CYTH3: variants seen among roughly 807,000 people sequenced by gnomAD.
The protein encoded by CYTH3 is cytohesin-3.
In CYTH3, 23 loss-of-function variants were observed where a neutral mutation model predicts 55.1. That is an observed-to-expected ratio of 0.42 (90% CI 0.30 to 0.59). The LOEUF (loss-of-function observed/expected upper bound fraction) is 0.59, where lower values mean the gene tolerates loss of function less well. CYTH3 is among the 20% of genes least tolerant of loss of function. The pLI, the probability that CYTH3 is intolerant of heterozygous loss-of-function variation, is 0.20. For synonymous variants in CYTH3, 249 were observed against 194.9 expected (o/e 1.28, Z -2.31); for missense variants, 413 against 524.8 (o/e 0.79, Z 2.08).
At chr7:6,220,416 A>G (rs1356796423) in intron 1 of CYTH3, among the ~76,000 whole-genome samples, 1 of 152,142 alleles carries the variant, frequency 6.6e-6, no homozygotes, top group African/African-American at 2.4e-5. Context: ...TTGAGAGCGA[A>G]GGCTTAGTAA....
At chr7:6,258,367 G>A (rs1210742343) in intron 1 of CYTH3, among the ~76,000 whole-genome samples, 1 of 151,804 alleles carries the variant, frequency 6.6e-6, no homozygotes, top group East Asian at 1.9e-4. Flanking sequence ...TATTTGTGAA[G>A]GAAGAAACTT....
chr7:6,199,696 A>G (rs1466860784), intron 1 of CYTH3, among the ~76,000 whole-genome samples: 2 of 152,214 alleles, frequency 1.3e-5, no homozygotes, highest in African/African-American at 2.4e-5. Context: ...TACCGATGCA[A>G]AACAATGAAA....
chr7:6,195,676 A>C (rs1352127321), intron 1 of CYTH3, among the ~76,000 whole-genome samples: 1 of 152,144 alleles, frequency 6.6e-6, no homozygotes, highest in Non-Finnish European at 1.5e-5. Flanking sequence ...CAAGCAATGA[A>C]TGAGGAAGGA....
At chr7:6,264,922 A>G (rs1159417484) in intron 1 of CYTH3, among the ~76,000 whole-genome samples, 1 of 152,214 alleles carries the variant, frequency 6.6e-6, no homozygotes, top group Non-Finnish European at 1.5e-5. Flanking sequence ...AGAAAAATAG[A>G]GCTGACAGTA....
At chr7:6,242,834 C>A (rs1779709700) in intron 1 of CYTH3, among the ~76,000 whole-genome samples, 1 of 152,102 alleles carries the variant, frequency 6.6e-6, no homozygotes, top group Admixed American at 6.5e-5. Flanking sequence ...TCCTCCCAGA[C>A]CCCACTGCCA....
chr7:6,171,192 C>G lies in CYTH3; in HGVS notation c.562+10G>C. 1.2e-6 allele frequency: 2 copies of G among 1,614,048 alleles called. No homozygotes were observed. The highest frequency in any genetic ancestry group is 2.2e-5 in the South Asian group (2 of 91,082). ...CTGGCAAGGGGCCAGGCTGTGGGCT[C>G]TGCACTGACCTGTGGACTGGAAGAC... On this transcript the variant is annotated intron_variant, in intron 7 of 12. Transcript: ENST00000350796. This position sits in a 1 kb window ranked among gnomAD's most constrained non-coding sequence, Gnocchi z 6.7.
chr7:6,254,198 A>G (rs1780045346), intron 1 of CYTH3, among the ~76,000 whole-genome samples: 1 of 152,064 alleles, frequency 6.6e-6, no homozygotes, highest in Non-Finnish European at 1.5e-5. Context: ...ACAAACAAAC[A>G]ACAACAAAAA....
intron 1 of CYTH3, among the ~76,000 whole-genome samples, chr7:6,245,109 G>A (rs1344599504): frequency 1.3e-5 from 2 of 150,548 alleles, no homozygotes; most frequent in African/African-American, 2.4e-5. Flanking sequence ...ATGAGCCACC[G>A]CGCCCGGCCT....
At chr7:6,190,383 T>C in intron 2 of CYTH3, 66 bp downstream of exon 2, 1 of 1,200,616 alleles carries the variant, frequency 8.3e-7, no homozygotes, top group Non-Finnish European at 1.1e-6. Flanking sequence ...AGGCTACTCT[T>C]TTACTATTTT....
chr7:6,165,162 G>C (rs1374998895), intron 12 of CYTH3, 111 bp downstream of exon 12: 2 of 1,553,602 alleles, frequency 1.3e-6, no homozygotes, highest in Non-Finnish European at 1.7e-6. Flanking sequence ...GGGGTTTCTG[G>C]AGACAGAAGG....
At chr7:6,232,822 T>C (rs1025604857) in intron 1 of CYTH3, among the ~76,000 whole-genome samples, 14 of 152,188 alleles carry the variant, frequency 9.2e-5, no homozygotes, top group Admixed American at 6.5e-5. Flanking sequence ...ATGATTTCCT[T>C]ATACACTTAA....
intron 4 of CYTH3, among the ~76,000 whole-genome samples, chr7:6,184,883 A>G (rs1344224997): frequency 6.6e-6 from 1 of 152,152 alleles, no homozygotes; most frequent in Non-Finnish European, 1.5e-5. Flanking sequence ...AGGACTCAGT[A>G]GCATCCCTTT....
chr7:6,188,255 C>T (rs1226120064), intron 2 of CYTH3, among the ~76,000 whole-genome samples: 3 of 151,880 alleles, frequency 2.0e-5, no homozygotes, highest in South Asian at 2.1e-4. Context: ...ACTGCATGAA[C>T]CCACGAGTTT....
chr7:6,176,378 C>G (rs970767449), intron 5 of CYTH3, among the ~76,000 whole-genome samples: 42 of 150,686 alleles, frequency 2.8e-4, no homozygotes, highest in Admixed American at 2.7e-3. Flanking sequence ...TCTCCTGCCT[C>G]AGCCTCTTGC....
intron 2 of CYTH3, among the ~76,000 whole-genome samples, chr7:6,188,051 GAGCAGTGGCTCATGCCTGTAATCCC>G (rs1307637637): frequency 1.6e-4 from 24 of 152,182 alleles, no homozygotes; most frequent in African/African-American, 5.8e-4. Context: ...ACCAAGCCAG[GAGCAGTGGCTCATGCCTGTAATCCC>G]AGCATTTTGG....
chr7:6,218,343 G>A (rs1229057734), intron 1 of CYTH3, among the ~76,000 whole-genome samples: 4 of 152,186 alleles, frequency 2.6e-5, no homozygotes, highest in African/African-American at 9.7e-5. Context: ...GTTTGAAGAT[G>A]GAGAGAGGGG....
Position 6,216,186 on chromosome 7 carries a change from G to A in CYTH3, c.35-25655C>T, listed in dbSNP as rs564896588. 1.6e-4 allele frequency among the ~76,000 whole-genome samples: 25 copies of A among 152,170 alleles called. 1 individual carries two copies. The South Asian group carries it at 5.0e-3, about 30-fold the overall frequency. ...TTGGGTTTTCTCAATCACGTTTCAC[G>A]GTTGAGGCAAAAACTAACACCATCT... On this transcript the variant is annotated intron_variant, in intron 1 of 12. Coordinates refer to ENST00000350796, the MANE Select transcript of CYTH3 (RefSeq NM_004227.4).
At chr7:6,175,206 T>C (rs1419248246) in intron 5 of CYTH3, among the ~76,000 whole-genome samples, 1 of 152,120 alleles carries the variant, frequency 6.6e-6, no homozygotes, top group South Asian at 2.1e-4. Context: ...TCTTTTTACC[T>C]TTTTTTCAGG....
intron 10 of CYTH3, 26 bp from the exon 11 acceptor site, chr7:6,165,642 G>A: frequency 3.1e-6 from 5 of 1,613,152 alleles, no homozygotes; most frequent in South Asian, 2.2e-5. Flanking sequence ...ACACGGCGGG[G>A]CTCACTGTGG....
Sources: gnomAD v4.1 joint callset for allele counts (sites outside exome capture counted in the v4.1 genomes callset) on GRCh38, gnomAD v4.1.1 for gene constraint, Gnocchi (gnomAD v3.1) non-coding constraint, MANE v1.5 for transcripts, NCBI Gene and HGNC (gene_info 2026-07-23, HGNC 2026-07-21) for gene names.